The following TASP1 variants were observed in gnomAD, a reference collection of about 807,000 sequenced individuals.
TASP1 encodes threonine aspartase 1.
TASP1 carries 16 observed loss-of-function variants against 56.6 expected under a neutral mutation model. That is an observed-to-expected ratio of 0.28 (90% CI 0.19 to 0.43). The LOEUF (loss-of-function observed/expected upper bound fraction) is 0.43, where lower values mean the gene tolerates loss of function less well. Ranked by LOEUF, TASP1 falls within the 20% of genes least tolerant of loss-of-function variation. The pLI, the probability that TASP1 is intolerant of heterozygous loss-of-function variation, is 1.00. For synonymous variants in TASP1, 179 were observed against 184.2 expected (o/e 0.97, Z 0.23); for missense variants, 393 against 511.6 (o/e 0.77, Z 2.24).
At chr20:13,353,247 CAAAA>C in the TASP1 span, among the ~76,000 whole-genome samples, 172 of 111,122 alleles carry the variant, frequency 1.5e-3, 1 homozygote, top group African/African-American at 4.0e-3. Flanking sequence ...GATTTTGTCT[CAAAA>C]AAAAAAAAAA....
the TASP1 span, among the ~76,000 whole-genome samples, chr20:13,366,351 C>CT: frequency 9.2e-5 from 14 of 152,112 alleles, no homozygotes; most frequent in African/African-American, 1.4e-4. Flanking sequence ...TCAAAGGATA[C>CT]TGAGAAGGAG....
chr20:13,430,411 G>C (rs1023989227), intron 12 of TASP1, among the ~76,000 whole-genome samples: 1 of 152,148 alleles, frequency 6.6e-6, no homozygotes, highest in Admixed American at 6.5e-5. Context: ...TCACCTGAAG[G>C]CTCACTCAGA....
the TASP1 span, among the ~76,000 whole-genome samples, chr20:13,175,584 T>A: frequency 6.6e-6 from 1 of 152,118 alleles, no homozygotes; most frequent in Non-Finnish European, 1.5e-5. Flanking sequence ...CTGTCTAGGC[T>A]CTAGATGAAA....
chr20:13,471,647 T>G lies in TASP1; in HGVS notation c.985+11580A>C, dbSNP rs192922020. 3.2e-3 allele frequency among the ~76,000 whole-genome samples: 488 copies of G among 152,304 alleles called. 3 individuals carry two copies. Among genetic ancestry groups the G allele is most frequent in the African/African-American group, 0.011 (447 of 41,582 alleles). ...TTAGTACCTCATCTCCAAGGTCTCC[T>G]TCCTCCAATCCATCCCACATCTTAG... On this transcript the variant is annotated intron_variant, in intron 11 of 13. Coordinates refer to ENST00000337743, the MANE Select transcript of TASP1 (RefSeq NM_017714.3).
chr20:13,492,315 C>A (rs2043562485), intron 10 of TASP1, among the ~76,000 whole-genome samples: 1 of 152,172 alleles, frequency 6.6e-6, no homozygotes, highest in Non-Finnish European at 1.5e-5. Flanking sequence ...TAAGAAAGGG[C>A]CTTTCCAAAT....
intron 4 of TASP1, among the ~76,000 whole-genome samples, chr20:13,589,008 C>T (rs1309163664): frequency 1.3e-5 from 2 of 149,846 alleles, no homozygotes; most frequent in East Asian, 3.9e-4. Context: ...ATAATCAATT[C>T]AACAAGGTTG....
chr20:13,312,462 A>C, the TASP1 span, among the ~76,000 whole-genome samples: 1 of 152,212 alleles, frequency 6.6e-6, no homozygotes, highest in East Asian at 1.9e-4. Context: ...ACGCCCTGCA[A>C]CTTCTCCCTT....
At chr20:13,216,666 C>A in the TASP1 span, among the ~76,000 whole-genome samples, 1 of 152,048 alleles carries the variant, frequency 6.6e-6, no homozygotes, top group African/African-American at 2.4e-5. Context: ...TGGAACAAAC[C>A]ACAAAAGTTT....
chr20:13,164,282 A>G, the TASP1 span: 2 of 460,658 alleles, frequency 4.3e-6, no homozygotes, highest in African/African-American at 4.0e-5. Context: ...TAAAAGCAGG[A>G]GGCCTGGGGT....
chr20:13,221,640 C>A, the TASP1 span: 1 of 674,518 alleles, frequency 1.5e-6, no homozygotes, highest in Non-Finnish European at 2.0e-6. Context: ...CCCGCGGGCC[C>A]GGGAAGCGGA....
At chr20:13,570,616 T>C (rs1369695299) in intron 6 of TASP1, among the ~76,000 whole-genome samples, 2 of 151,816 alleles carry the variant, frequency 1.3e-5, no homozygotes, top group Non-Finnish European at 2.9e-5. Context: ...CTAATATACA[T>C]AAAGATGGGG....
the TASP1 span, among the ~76,000 whole-genome samples, chr20:13,223,157 AAAAAAAAAAT>A: frequency 1.8e-4 from 23 of 125,200 alleles, no homozygotes; most frequent in Non-Finnish European, 3.2e-4. Context: ...ACTCCGTCTC[AAAAAAAAAAT>A]AAAATAAAAT....
chr20:13,115,877 T>C, the TASP1 span, among the ~76,000 whole-genome samples: 1 of 152,166 alleles, frequency 6.6e-6, no homozygotes, highest in African/African-American at 2.4e-5. Flanking sequence ...ATGAGGAAAC[T>C]GAAGCAGAGA....
At chr20:13,385,044 G>A (rs1463399509), downstream of TASP1, among the ~76,000 whole-genome samples, 3 of 152,162 alleles carry the variant, frequency 2.0e-5, no homozygotes, top group South Asian at 4.1e-4. Context: ...GAAAAATTTT[G>A]GAAGACATTA....
intron 10 of TASP1, among the ~76,000 whole-genome samples, chr20:13,510,730 G>C (rs1601060409): frequency 6.6e-6 from 1 of 152,262 alleles, no homozygotes; most frequent in East Asian, 1.9e-4. Flanking sequence ...GGCCCTGTTT[G>C]ACCTCTCTGA....
Position 13,634,946 on chromosome 20 carries a change from T to C in TASP1, c.-75+3948A>G, listed in dbSNP as rs1372288086. On this transcript the variant is annotated intron_variant, in intron 1 of 13. Transcript: ENST00000337743. ...GGAAGGCTGAGGCAGGAGAATCGCT[T>C]GAACCCAGGAAGCAGAGGTTGCAGT... Among the ~76,000 whole-genome samples, 3 of 152,106 alleles carry C rather than the reference T, an allele frequency of 2.0e-5. No homozygotes were observed. In the East Asian group the frequency reaches 5.8e-4, roughly 29 times the overall value.
At chr20:13,533,748 T>C (rs1443119456) in intron 9 of TASP1, among the ~76,000 whole-genome samples, 1 of 152,120 alleles carries the variant, frequency 6.6e-6, no homozygotes. Context: ...TTATTAAATG[T>C]CTACTAAATA....
At chr20:13,140,317 TCA>T in the TASP1 span, among the ~76,000 whole-genome samples, 11 of 152,170 alleles carry the variant, frequency 7.2e-5, no homozygotes, top group Non-Finnish European at 1.3e-4. Context: ...CCCCAGTCAC[TCA>T]CTCAGCTCTC....
chr20:13,328,124 C>T, the TASP1 span, among the ~76,000 whole-genome samples: 2 of 152,092 alleles, frequency 1.3e-5, no homozygotes, highest in Non-Finnish European at 2.9e-5. Context: ...AAAAACCAAA[C>T]AACCCCATTA....
Sources: gnomAD v4.1 joint callset for allele counts (sites outside exome capture counted in the v4.1 genomes callset) on GRCh38, gnomAD v4.1.1 for gene constraint, MANE v1.5 for transcripts, NCBI Gene and HGNC (gene_info 2026-07-23, HGNC 2026-07-21) for gene names.